The following SH3BP5L variants were observed in gnomAD, a reference collection of about 807,000 sequenced individuals.
The protein encoded by SH3BP5L is SH3 domain-binding protein 5-like.
In SH3BP5L, 16 loss-of-function variants were observed where a neutral mutation model predicts 40.9. That is an observed-to-expected ratio of 0.39 (90% CI 0.27 to 0.59). The LOEUF (loss-of-function observed/expected upper bound fraction) is 0.59. Among genes scored for constraint, SH3BP5L ranks in the 20% least tolerant of loss-of-function variants. SH3BP5L has a pLI of 0.53. For synonymous variants in SH3BP5L, 229 were observed against 226.7 expected (o/e 1.01, Z -0.09); for missense variants, 471 against 544.6 (o/e 0.86, Z 1.35).
intron 3 of SH3BP5L, 38 bp from the exon 4 acceptor site, chr1:248,816,700 G>A (rs754931193): frequency 1.2e-6 from 2 of 1,613,724 alleles, no homozygotes; most frequent in Non-Finnish European, 1.7e-6. Context: ...CACATGTTTG[G>A]GTCCCAGCCC....
chr1:248,812,225 G>A lies in SH3BP5L; in HGVS notation c.857C>T (p.Pro286Leu). ...RGGLPPHPLG[P>L]RRSSPVGAEA... is the part of the protein sequence containing the mutation. ...GGCCCCCACGGGGGAGGAGCGCCGA[G>A]GGCCCAGGGGGTGGGGAGGCAGACC... The change falls in exon 7 of 7, where the codon CCT (proline) becomes CTT (leucine). Residue 286 changes from proline to leucine, a missense_variant. Physicochemically the swap from Pro to Leu is moderately conservative, Grantham distance 98. Around this residue, in one of 2 missense-constraint regions of SH3BP5L, gnomAD observed 196 missense variants for 174.6 expected, o/e 1.12. Coordinates refer to ENST00000366472, the MANE Select transcript of SH3BP5L (RefSeq NM_030645.3). This position sits in a 1 kb window ranked among gnomAD's most constrained non-coding sequence, Gnocchi z 6.1. 1.2e-6 allele frequency: 2 copies of A among 1,608,200 alleles called. No individual in the cohort carries two copies. Among genetic ancestry groups the A allele is most frequent in the East Asian group, 2.2e-5 (1 of 44,818 alleles).
Position 248,818,845 on chromosome 1 carries a change from G to T in SH3BP5L, c.184-1961C>A, listed in dbSNP as rs115774387. ...AGGAAATACCTGGTGCCTAGCTATA[G>T]GATTTGCCTTCACCAGCCCCTGCTG... On this transcript the variant is annotated intron_variant, in intron 2 of 6. Coordinates refer to ENST00000366472, the MANE Select transcript of SH3BP5L (RefSeq NM_030645.3). Among the ~76,000 whole-genome samples, 1,004 of 152,356 alleles carry T rather than the reference G, an allele frequency of 6.6e-3. 12 individuals carry two copies. Among genetic ancestry groups the T allele is most frequent in the African/African-American group, 0.023 (965 of 41,582 alleles).
rs1247770046 is a variant in SH3BP5L at position 248,811,356 on chromosome 1, T to C, written c.*544A>G. ...GGAGGCACACAGTACATCTTACAGG[T>C]TACACACGGGCAGGCTGGAGCAGGA... On this transcript the variant is annotated 3_prime_UTR_variant, in exon 7 of 7. Coordinates refer to ENST00000366472, the MANE Select transcript of SH3BP5L (RefSeq NM_030645.3). The C allele has an allele frequency of 6.4e-6, 1 of 155,048 alleles. No homozygotes were observed. The highest frequency in any genetic ancestry group is 6.5e-5 in the Admixed American group (1 of 15,394). 9.6% of individuals were successfully genotyped at this position (155,048 alleles called of 1,614,324 possible).
chr1:248,823,138 C>T (rs535662892), intron 2 of SH3BP5L, among the ~76,000 whole-genome samples: 1 of 152,296 alleles, frequency 6.6e-6, no homozygotes, highest in East Asian at 1.9e-4. Flanking sequence ...AAAGAGACCA[C>T]AGTGGATTCT....
chr1:248,811,697 G>C lies in SH3BP5L; in HGVS notation c.*203C>G, dbSNP rs1663929965. 2 of 545,338 alleles carry C rather than the reference G, an allele frequency of 3.7e-6. No homozygotes were observed. The highest frequency in any genetic ancestry group is 2.5e-5 in the South Asian group (1 of 39,606). 33.8% of individuals were successfully genotyped at this position (545,338 alleles called of 1,614,324 possible). ...GCCTTCTGAATGGGTAAGGCAAAGA[G>C]AGCCGCCTGCTGAGGGGAAGGGGGA... On this transcript the variant is annotated 3_prime_UTR_variant, in exon 7 of 7. Coordinates refer to ENST00000366472, the MANE Select transcript of SH3BP5L (RefSeq NM_030645.3).
At chr1:248,813,185 G>T in intron 5 of SH3BP5L, 23 bp from the exon 6 acceptor site, 1 of 1,517,728 alleles carries the variant, frequency 6.6e-7, no homozygotes, top group East Asian at 2.4e-5. Context: ...ACACATCACT[G>T]AGCCAGGACC....
intron 5 of SH3BP5L, 68 bp downstream of exon 5, chr1:248,814,381 G>A: frequency 6.6e-7 from 1 of 1,521,616 alleles, no homozygotes. Flanking sequence ...AGGAGGTGAG[G>A]TGATAAAGAC....
At chr1:248,816,993 A>G (rs190553120) in intron 2 of SH3BP5L, 109 bp from the exon 3 acceptor site, 1,159 of 1,586,770 alleles carry the variant, frequency 7.3e-4, no homozygotes, top group Non-Finnish European at 9.5e-4. Flanking sequence ...GCCCAGGGAA[A>G]TGAGGTGAGA....
At chr1:248,817,276 G>C (rs1280608571) in intron 2 of SH3BP5L, among the ~76,000 whole-genome samples, 1 of 152,214 alleles carries the variant, frequency 6.6e-6, no homozygotes, top group Non-Finnish European at 1.5e-5. Context: ...CTCTGCGAGA[G>C]GATGGCCACC....
At chr1:248,822,207 A>T (rs923071209) in intron 2 of SH3BP5L, among the ~76,000 whole-genome samples, 1 of 152,204 alleles carries the variant, frequency 6.6e-6, no homozygotes, top group African/African-American at 2.4e-5. Context: ...TGGTCTAGTG[A>T]ACTGTCAACA....
chr1:248,822,115 G>A (rs952995659), intron 2 of SH3BP5L, among the ~76,000 whole-genome samples: 4 of 152,302 alleles, frequency 2.6e-5, no homozygotes, highest in East Asian at 1.9e-4. Flanking sequence ...GACGGTGGAT[G>A]GAAACCCAGT....
intron 2 of SH3BP5L, among the ~76,000 whole-genome samples, chr1:248,819,417 C>T (rs1033681670): frequency 1.3e-5 from 2 of 149,198 alleles, no homozygotes; most frequent in African/African-American, 2.5e-5. Context: ...AAAAAAAAAT[C>T]GTGGGCAGGC....
In SH3BP5L at chr1:248,812,410, C is replaced by G. The variant is rs753622052; in HGVS notation, c.712-40G>C. 1 of 1,504,964 alleles carries G rather than the reference C, an allele frequency of 6.6e-7. No homozygotes were observed. The highest frequency in any genetic ancestry group is 2.3e-5 in the East Asian group (1 of 44,146). The allele number at this position is 1,504,964 out of a possible 1,614,324, so 93.2% of individuals were successfully genotyped here. ...GCAGAGCAAGGCGACCCATGGGGCA[C>G]GTCTCCACCTTCCTCAGCACTCTGC... On this transcript the variant is annotated intron_variant, in intron 6 of 6. Transcript: ENST00000366472. This position sits in a 1 kb window ranked among gnomAD's most constrained non-coding sequence, Gnocchi z 6.1.
At chr1:248,820,256 G>A (rs1450804811) in intron 2 of SH3BP5L, 2 of 152,302 alleles carry the variant, frequency 1.3e-5, no homozygotes, top group Non-Finnish European at 2.9e-5. Context: ...GGCCCCAGAG[G>A]AGGCATAGGG....
Position 248,825,220 on chromosome 1 carries a change from G to GT in SH3BP5L, c.-286_-285insA, listed in dbSNP as rs1664346771. 1.7e-6 allele frequency: 2 copies of GT among 1,167,992 alleles called. No homozygotes were observed. Among genetic ancestry groups the GT allele is most frequent in the Non-Finnish European group, 1.1e-6 (1 of 943,928 alleles). 72.4% of individuals were successfully genotyped at this position (1,167,992 alleles called of 1,614,324 possible). On this transcript the variant is annotated 5_prime_UTR_variant, in exon 2 of 7. It introduces an in-frame stop codon into an upstream open reading frame of the 5' UTR. Transcript: ENST00000366472. ...CCGGAGCAACAGCTCCAAGGCAGGG[G>GT]GCAAAGGGGGCTTGGATCCTGGACC...
Position 248,811,375 on chromosome 1 carries a change from A to G in SH3BP5L, c.*525T>C. On this transcript the variant is annotated 3_prime_UTR_variant, in exon 7 of 7. Coordinates refer to ENST00000366472, the MANE Select transcript of SH3BP5L (RefSeq NM_030645.3). Reference sequence around the variant, plus strand: ...TACAGGTTACACACGGGCAGGCTGGAGCAGGACGGGGGGCAGGGCTCAGCA... The same window carrying G: ...TACAGGTTACACACGGGCAGGCTGGGGCAGGACGGGGGGCAGGGCTCAGCA... 1 of 156,298 alleles carries G rather than the reference A, an allele frequency of 6.4e-6. No individual in the cohort carries two copies. The highest frequency in any genetic ancestry group is 1.4e-5 in the Non-Finnish European group (1 of 71,298). 9.7% of individuals were successfully genotyped at this position (156,298 alleles called of 1,614,324 possible). A position where few individuals can be genotyped will look rare whatever the true frequency, so the allele number is the denominator to read the frequency against.
At position 248,816,767 on chromosome 1, in the gene SH3BP5L, C is replaced by T. The variant is rs574943736; in HGVS notation, c.246+55G>A. ...CCACTGCCTCAATCTGGGAAAGAGA[C>T]AGATGGAGATACTTCCAAGGACCAG... is the stretch of plus-strand genomic sequence containing the variant. On this transcript the variant is annotated intron_variant, in intron 3 of 6. Transcript: ENST00000366472. 17 of 1,612,816 alleles carry T rather than the reference C, an allele frequency of 1.1e-5. No individual in the cohort carries two copies. In the African/African-American group the frequency reaches 1.9e-4, roughly 18 times the overall value.
At position 248,824,990 on chromosome 1, in the gene SH3BP5L, C is replaced by G. The variant is rs1664339446; in HGVS notation, c.-55G>C. 5 of 1,535,556 alleles carry G rather than the reference C, an allele frequency of 3.3e-6. No homozygotes were observed. Among genetic ancestry groups the G allele is most frequent in the Non-Finnish European group, 4.4e-6 (5 of 1,145,960 alleles). On this transcript the variant is annotated 5_prime_UTR_variant, in exon 2 of 7. Coordinates refer to ENST00000366472, the MANE Select transcript of SH3BP5L (RefSeq NM_030645.3). The stretch of plus-strand genomic sequence containing the variant: ...ACAAGAGAGGACTGACATGCTGGGA[C>G]CAGGGCCCCAGCTTGGGGCTTCCTG...
chr1:248,815,832 G>A (rs1264124581), intron 4 of SH3BP5L, among the ~76,000 whole-genome samples: 5 of 152,262 alleles, frequency 3.3e-5, no homozygotes, highest in African/African-American at 4.8e-5. Flanking sequence ...ACACTAAGGC[G>A]CTGCGCTTTG....
Sources: allele counts gnomAD v4.1 joint callset (sites outside exome capture counted in the v4.1 genomes callset), GRCh38; gene constraint gnomAD v4.1.1; regional missense constraint gnomAD v4.1.1; non-coding constraint Gnocchi (gnomAD v3.1); transcripts MANE v1.5; gene names NCBI Gene and HGNC (gene_info 2026-07-23, HGNC 2026-07-21).